RIN2: variants seen among roughly 807,000 people sequenced by gnomAD.
RIN2 encodes Ras and Rab interactor 2.
A neutral mutation model predicts 78.0 loss-of-function variants in RIN2; 36 were observed. That is an observed-to-expected ratio of 0.46 (90% CI 0.35 to 0.61). RIN2 has a LOEUF of 0.61. Ranked by LOEUF, RIN2 falls within the 20% of genes least tolerant of loss-of-function variation. RIN2 has a pLI of 0.00. For synonymous variants in RIN2, 466 were observed against 466.8 expected (o/e 1.00, Z 0.02); for missense variants, 1,087 against 1,159.7 (o/e 0.94, Z 0.91).
chr20:19,971,618 C>T (rs1229058988), intron 8 of RIN2, among the ~76,000 whole-genome samples: 1 of 152,090 alleles, frequency 6.6e-6, no homozygotes, highest in Non-Finnish European at 1.5e-5. Flanking sequence ...ATGTATTCCT[C>T]CTCTGGCATA....
At position 19,844,680 on chromosome 20, in the gene RIN2, TTCTTCC is replaced by T. The variant is rs879634573; in HGVS notation, c.-36-44868_-36-44863del. 3.9e-3 allele frequency among the ~76,000 whole-genome samples: 232 copies of T among 59,526 alleles called. 10 individuals are homozygous for T. Among genetic ancestry groups the T allele is most frequent in the African/African-American group, 0.01 (149 of 14,840 alleles). The allele number at this position is 59,526 out of a possible 152,430, so 39.1% of individuals were successfully genotyped here. A position where few individuals can be genotyped will look rare whatever the true frequency, so the allele number is the denominator to read the frequency against. On this transcript the variant is annotated intron_variant, in intron 2 of 12. Coordinates refer to ENST00000255006, the MANE Select transcript of RIN2 (RefSeq NM_018993.4). ...TTCTTCTTCTTCTTCCTTCTTCTTCTTCTTCCTCTTCCTCTTCCTCTTCTTCTTCTT... is the reference window on the plus strand; with the variant it reads ...TTCTTCTTCTTCTTCCTTCTTCTTCTTCTTCCTCTTCCTCTTCTTCTTCTT...
chr20:19,867,850 A>C (rs1296059471), intron 2 of RIN2, among the ~76,000 whole-genome samples: 2 of 152,148 alleles, frequency 1.3e-5, no homozygotes, highest in Non-Finnish European at 2.9e-5. Context: ...GGGTATTTAG[A>C]CTTTGCTGGA....
intron 3 of RIN2, among the ~76,000 whole-genome samples, chr20:19,930,298 T>TTGGCA (rs1324971346): frequency 6.6e-6 from 1 of 152,192 alleles, no homozygotes. Flanking sequence ...GATTGGTGAC[T>TTGGCA]TGGCATGGGA....
At chr20:19,905,258 C>T (rs1413121925) in intron 3 of RIN2, among the ~76,000 whole-genome samples, 1 of 152,186 alleles carries the variant, frequency 6.6e-6, no homozygotes, top group African/African-American at 2.4e-5. Flanking sequence ...AGGAGGATTG[C>T]AGACTCCTGT....
At chr20:19,971,735 ATTTTTTTTTTTT>A (rs61019165) in intron 8 of RIN2, among the ~76,000 whole-genome samples, 9 of 91,538 alleles carry the variant, frequency 9.8e-5, no homozygotes, top group African/African-American at 4.5e-4. Context: ...TGAAACTGCA[ATTTTTTTTTTTT>A]TTTTTTTTTT....
chr20:19,832,732 T>C (rs1235737509), intron 2 of RIN2, among the ~76,000 whole-genome samples: 1 of 152,044 alleles, frequency 6.6e-6, no homozygotes, highest in Non-Finnish European at 1.5e-5. Flanking sequence ...TGAGGGCTGC[T>C]CTCTGCTTCC....
chr20:19,989,272 C>CTT lies in RIN2; in HGVS notation c.1763-716_1763-715dup, dbSNP rs11455546. On this transcript the variant is annotated intron_variant, in intron 9 of 12. Coordinates refer to ENST00000255006, the MANE Select transcript of RIN2 (RefSeq NM_018993.4). Reference sequence around the variant, plus strand: ...TGGATCTATTTCCTCAGAAAACATTCTTTTTTTTTTTTTTTTTTTGAGATG... The same window carrying CTT: ...TGGATCTATTTCCTCAGAAAACATTCTTTTTTTTTTTTTTTTTTTTTGAGATG... Among the ~76,000 whole-genome samples, 1,025 of 109,330 alleles carry CTT rather than the reference C, an allele frequency of 9.4e-3. 32 individuals carry two copies. Among genetic ancestry groups the CTT allele is most frequent in the African/African-American group, 0.026 (793 of 30,412 alleles). 71.7% of individuals were successfully genotyped at this position (109,330 alleles called of 152,430 possible).
intron 9 of RIN2, among the ~76,000 whole-genome samples, chr20:19,982,394 T>C (rs1417337018): frequency 6.6e-6 from 1 of 152,116 alleles, no homozygotes; most frequent in Non-Finnish European, 1.5e-5. Context: ...TTTTGCGTAG[T>C]TTGTAATAGA....
At position 19,869,792 on chromosome 20, in the gene RIN2, T is replaced by TTTTGTTTA. The variant is rs147848026; in HGVS notation, c.-36-19771_-36-19770insGTTTATTT. The stretch of plus-strand genomic sequence containing the variant: ...GGTGTGCACCACCATGCCTGGCTAA[T>TTTTGTTTA]TTTATTTATTTATTTATTTATTTAT... On this transcript the variant is annotated intron_variant, in intron 2 of 12. Coordinates refer to ENST00000255006, the MANE Select transcript of RIN2 (RefSeq NM_018993.4). Among the ~76,000 whole-genome samples the TTTTGTTTA allele has an allele frequency of 2.9e-5, 4 of 136,444 alleles. No homozygotes were observed. The Admixed American group carries it at 3.0e-4, about 10-fold the overall frequency. 89.5% of individuals were successfully genotyped at this position (136,444 alleles called of 152,430 possible). A position where few individuals can be genotyped will look rare whatever the true frequency, so the allele number is the denominator to read the frequency against.
intron 1 of RIN2, among the ~76,000 whole-genome samples, chr20:19,781,938 A>G (rs1193259353): frequency 6.6e-6 from 1 of 152,174 alleles, no homozygotes; most frequent in Non-Finnish European, 1.5e-5. Context: ...ATCGTCAAAG[A>G]ATGGTTCCAT....
chr20:19,889,473 G>T, intron 2 of RIN2, 93 bp from the exon 3 acceptor site: 2 of 1,283,458 alleles, frequency 1.6e-6, no homozygotes, highest in Non-Finnish European at 2.2e-6. Context: ...GACGGAAAAA[G>T]ATCTTGGCAG....
At chr20:19,829,182 T>C (rs1167703036) in intron 2 of RIN2, among the ~76,000 whole-genome samples, 1 of 152,100 alleles carries the variant, frequency 6.6e-6, no homozygotes, top group Admixed American at 6.6e-5. Context: ...GATTGGGTTC[T>C]TGAAGAGTAC....
chr20:19,975,093 C>A lies in RIN2; in HGVS notation c.1068C>A (p.Ile356=). The change falls in exon 9 of 13, where the codon ATC becomes ATA. Residue 356 remains isoleucine (I), a synonymous_variant. Coordinates refer to ENST00000255006, the MANE Select transcript of RIN2 (RefSeq NM_018993.4). The surrounding 1 kb of genome is among the most constrained non-coding windows in gnomAD (Gnocchi z 4.9). ...TGCCTGGAACGAAACCAACTCCCAT[C>A]CCTCCACCCCGGCTGAAGAAGCAGG... The part of the protein sequence containing the change: ...VALPGTKPTP[I]PPPRLKKQAS... 6.2e-7 allele frequency: 1 copy of A among 1,613,528 alleles called. No homozygotes were observed.
chr20:19,915,214 G>A (rs1191752548), intron 3 of RIN2, among the ~76,000 whole-genome samples: 1 of 152,200 alleles, frequency 6.6e-6, no homozygotes, highest in Admixed American at 6.5e-5. Flanking sequence ...TGGGAGAGTA[G>A]GGGAGTGAGA....
At chr20:19,773,540 G>A (rs986487831) in intron 1 of RIN2, among the ~76,000 whole-genome samples, 2 of 152,166 alleles carry the variant, frequency 1.3e-5, no homozygotes, top group Admixed American at 1.3e-4. Flanking sequence ...ACCTTCTGAG[G>A]TGGGTGAAAG....
chr20:19,907,118 G>A (rs1185678163), intron 3 of RIN2, among the ~76,000 whole-genome samples: 1 of 152,060 alleles, frequency 6.6e-6, no homozygotes, highest in Non-Finnish European at 1.5e-5. Context: ...GGGTAGGAGG[G>A]AGAGAGAGAG....
At chr20:19,945,905 AT>A (rs765432503) in intron 4 of RIN2, among the ~76,000 whole-genome samples, 14 of 152,006 alleles carry the variant, frequency 9.2e-5, no homozygotes, top group Non-Finnish European at 1.5e-4. Flanking sequence ...AGCTGTGGTG[AT>A]TTTTGCCGCC....
At chr20:19,797,913 G>A (rs568151387) in intron 1 of RIN2, among the ~76,000 whole-genome samples, 14 of 147,402 alleles carry the variant, frequency 9.5e-5, no homozygotes, top group Admixed American at 4.1e-4. Flanking sequence ...CCAGGTTGGC[G>A]GTGTCTCAGC....
chr20:19,788,835 T>C (rs1162258134), intron 1 of RIN2, among the ~76,000 whole-genome samples: 2 of 152,162 alleles, frequency 1.3e-5, no homozygotes, highest in Non-Finnish European at 2.9e-5. Flanking sequence ...ATGTCATTTA[T>C]CCCCAAAGTG....
Sources: allele counts gnomAD v4.1 joint callset (sites outside exome capture counted in the v4.1 genomes callset), GRCh38; gene constraint gnomAD v4.1.1; non-coding constraint Gnocchi (gnomAD v3.1); transcripts MANE v1.5; gene names NCBI Gene and HGNC (gene_info 2026-07-23, HGNC 2026-07-21).